The following CDC123 variants were observed in gnomAD, a reference collection of about 807,000 sequenced individuals.
The protein encoded by CDC123 is cell division cycle 123, also known as translation initiation factor eIF2 assembly protein.
Under a neutral mutation model 54.4 loss-of-function variants are expected in CDC123, and 37 were observed. That is an observed-to-expected ratio of 0.68 (90% CI 0.52 to 0.89). CDC123 has a LOEUF of 0.89. Among genes scored for constraint, CDC123 ranks in the 40% least tolerant of loss-of-function variants. The pLI is 0.00. For missense variants in CDC123, 361 were observed against 412.1 expected, an observed-to-expected ratio of 0.88 and a Z score of 1.07; for synonymous variants, 144 against 136.8, an observed-to-expected ratio of 1.05 and a Z score of -0.37.
At chr10:12,204,865 C>T (rs543104756) in intron 2 of CDC123, among the ~76,000 whole-genome samples, 10 of 151,916 alleles carry the variant, frequency 6.6e-5, no homozygotes, top group South Asian at 2.1e-4. Flanking sequence ...TGGTGGCAGG[C>T]GCCTGTAATC....
At chr10:12,196,716 C>T (rs1835356129) in intron 1 of CDC123, among the ~76,000 whole-genome samples, 1 of 152,094 alleles carries the variant, frequency 6.6e-6, no homozygotes, top group Admixed American at 6.5e-5. Flanking sequence ...CAGTTAGATA[C>T]GAGAACAAGT....
At chr10:12,232,975 G>C (rs1371178689) in intron 7 of CDC123, among the ~76,000 whole-genome samples, 2 of 151,700 alleles carry the variant, frequency 1.3e-5, no homozygotes, top group Non-Finnish European at 2.9e-5. Context: ...TAGCCAGGAT[G>C]GTCTCGTTCT....
chr10:12,225,746 C>CTTTTTTTTTTTTTTTTTTTT (rs60404885), intron 6 of CDC123, among the ~76,000 whole-genome samples: 4 of 66,930 alleles, frequency 6.0e-5, no homozygotes, highest in Admixed American at 2.3e-4. Flanking sequence ...TAGCTTCTCT[C>CTTTTTTTTTTTTTTTTTTTT]TTTTTTTTTT....
At chr10:12,216,922 G>A (rs988203292) in intron 5 of CDC123, among the ~76,000 whole-genome samples, 5 of 152,170 alleles carry the variant, frequency 3.3e-5, no homozygotes, top group African/African-American at 9.7e-5. Flanking sequence ...GGGTGTAACT[G>A]CTCCAGCCGC....
chr10:12,221,214 A>G (rs940852956), intron 6 of CDC123, among the ~76,000 whole-genome samples: 1 of 152,118 alleles, frequency 6.6e-6, no homozygotes, highest in Non-Finnish European at 1.5e-5. Flanking sequence ...TTTAAAAAAT[A>G]CATTATTTAA....
chr10:12,238,931 A>G (rs771582196), intron 10 of CDC123, among the ~76,000 whole-genome samples: 1 of 152,084 alleles, frequency 6.6e-6, no homozygotes, highest in Non-Finnish European at 1.5e-5. Context: ...CAGAGATTGC[A>G]GTGAGCGGAG....
At chr10:12,225,806 GA>G (rs1835805445) in intron 6 of CDC123, among the ~76,000 whole-genome samples, 1 of 122,882 alleles carries the variant, frequency 8.1e-6, no homozygotes, top group African/African-American at 3.3e-5. Context: ...GTGTTTCTCA[GA>G]GAGGGGGATT....
In CDC123 at chr10:12,238,503, C is replaced by A; in HGVS notation, c.717+18C>A. The A allele has an allele frequency of 6.2e-7, 1 of 1,606,946 alleles. No individual in the cohort carries two copies. The highest frequency in any genetic ancestry group is 8.5e-7 in the Non-Finnish European group (1 of 1,177,492). ...ACAGTAGGGTAAGTAAAAACTCTTT[C>A]TGATATGCTTTAATATAAGAGCTGG... On this transcript the variant is annotated intron_variant, in intron 10 of 12. Coordinates refer to ENST00000281141, the MANE Select transcript of CDC123 (RefSeq NM_006023.3).
intron 9 of CDC123, 143 bp downstream of exon 9, chr10:12,237,409 G>C (rs1835992895): frequency 3.3e-6 from 2 of 613,156 alleles, no homozygotes; most frequent in Non-Finnish European, 4.8e-6. Flanking sequence ...TGTTATTTTT[G>C]ATAGTTTGTA....
chr10:12,218,077 C>CGA (rs1835685413), intron 6 of CDC123, among the ~76,000 whole-genome samples: 1 of 151,700 alleles, frequency 6.6e-6, no homozygotes. Flanking sequence ...GGCGACAGAG[C>CGA]GAGACTCCAT....
chr10:12,227,350 C>A (rs1835838272), intron 6 of CDC123, among the ~76,000 whole-genome samples: 1 of 151,978 alleles, frequency 6.6e-6, no homozygotes, highest in South Asian at 2.1e-4. Flanking sequence ...AGTACGGAGC[C>A]CAAGGTCCTG....
intron 6 of CDC123, among the ~76,000 whole-genome samples, chr10:12,226,960 G>C (rs984834114): frequency 6.6e-6 from 1 of 152,084 alleles, no homozygotes; most frequent in Non-Finnish European, 1.5e-5. Context: ...CTCCAGCCTG[G>C]GCAACATTGA....
At chr10:12,230,782 A>G (rs1232206139) in intron 6 of CDC123, among the ~76,000 whole-genome samples, 166 bp from the exon 7 acceptor site, 3 of 152,224 alleles carry the variant, frequency 2.0e-5, no homozygotes, top group African/African-American at 7.2e-5. Context: ...AGGCTAATGC[A>G]AAGCATTGAA....
At chr10:12,222,710 T>C (rs1835753148) in intron 6 of CDC123, among the ~76,000 whole-genome samples, 1 of 152,180 alleles carries the variant, frequency 6.6e-6, no homozygotes, top group Non-Finnish European at 1.5e-5. Flanking sequence ...GAAGGAGAAA[T>C]ACATTTGACT....
chr10:12,247,822 A>G (rs1836176682), intron 11 of CDC123: 1 of 152,138 alleles, frequency 6.6e-6, no homozygotes. Flanking sequence ...AACACGGTGA[A>G]AACCTGTCTC....
chr10:12,237,001 C>A, intron 8 of CDC123, 143 bp from the exon 9 acceptor site: 1 of 856,204 alleles, frequency 1.2e-6, no homozygotes, highest in Non-Finnish European at 1.6e-6. Flanking sequence ...ATCCTTACAG[C>A]TGGGTCGTGT....
intron 8 of CDC123, among the ~76,000 whole-genome samples, chr10:12,236,032 G>A (rs1228883573): frequency 2.0e-5 from 3 of 152,198 alleles, no homozygotes; most frequent in Admixed American, 6.5e-5. Context: ...TGGCTTGAAC[G>A]AGAGCAGGCT....
Position 12,215,426 on chromosome 10 carries a change from G to GT in CDC123, c.238-310dup, listed in dbSNP as rs1223141168. Among the ~76,000 whole-genome samples the GT allele has an allele frequency of 2.0e-5, 3 of 152,240 alleles. No individual in the cohort carries two copies. In the East Asian group the frequency reaches 5.8e-4, roughly 29 times the overall value. On this transcript the variant is annotated intron_variant, in intron 4 of 12. Coordinates refer to ENST00000281141, the MANE Select transcript of CDC123 (RefSeq NM_006023.3). ...GTCTATTTTCTCTTGATGAATGCTG[G>GT]TTTTATGTCGGTGTACAGAGAACCA...
At position 12,249,597 on chromosome 10, in the gene CDC123, G is replaced by A. The variant is rs542550865; in HGVS notation, c.863G>A (p.Arg288His). 3 of 1,613,268 alleles carry A rather than the reference G, an allele frequency of 1.9e-6. No homozygotes were observed. The highest frequency in any genetic ancestry group is 2.5e-6 in the Non-Finnish European group (3 of 1,179,830). ...DAQEQDSPAF[R>H]CTNSEVTVQP... ...TTTGTACAGGATTCCCCAGCTTTCC[G>A]TTGCACAAACAGTGAAGTGACAGTC... is the stretch of plus-strand genomic sequence containing the variant. Residue 288 changes from arginine to histidine, a missense_variant, in exon 12 of 13, where the codon CGT becomes CAT. Coordinates refer to ENST00000281141, the MANE Select transcript of CDC123 (RefSeq NM_006023.3).
Sources: gnomAD v4.1 joint callset for allele counts (sites outside exome capture counted in the v4.1 genomes callset) on GRCh38, gnomAD v4.1.1 for gene constraint, MANE v1.5 for transcripts, NCBI Gene and HGNC (gene_info 2026-07-23, HGNC 2026-07-21) for gene names.